APOB: variants seen among roughly 807,000 people sequenced by gnomAD.
APOB encodes the protein apolipoprotein B.
Under a neutral mutation model 314.1 loss-of-function variants are expected in APOB, and 153 were observed. The ratio of observed to expected loss-of-function variants is 0.49; its 90% confidence interval spans 0.43 to 0.56. The LOEUF is 0.56. APOB is among the 20% of genes least tolerant of loss of function. The pLI is 0.00. For missense variants in APOB, 5,430 were observed against 5,350.7 expected (o/e 1.01, Z -0.46); for synonymous variants, 2,087 against 2,036.4 (o/e 1.02, Z -0.67).
intron 7 of APOB, among the ~76,000 whole-genome samples, chr2:21,035,330 C>A (rs1663975096): frequency 6.6e-6 from 1 of 152,200 alleles, no homozygotes; most frequent in African/African-American, 2.4e-5. Flanking sequence ...CAGTGATCCT[C>A]AGGTTTTCTG....
rs13306198 is a variant in APOB at position 21,037,212 on chromosome 2, G to A, written c.581C>T (p.Thr194Met). 1.6e-3 allele frequency: 2,576 copies of A among 1,614,104 alleles called. 48 individuals are homozygous for A. The East Asian group carries it at 0.043, about 27-fold the overall frequency. ...GNCSTHFTVK[T>M]RKGNVATEIS... Reference sequence around the variant, plus strand: ...TTCTGTTGCCACATTGCCCTTCCTCGTCTTGACGGTAAAGTGAGTGGAGCA... The same window carrying A: ...TTCTGTTGCCACATTGCCCTTCCTCATCTTGACGGTAAAGTGAGTGGAGCA... Residue 194 changes from threonine to methionine, a missense_variant, in exon 6 of 29, where the codon ACG (threonine) becomes ATG (methionine). This residue lies in a region of APOB where 2,085 missense variants were observed against 2,079.7 expected (regional missense o/e 1.00). Transcript: ENST00000233242.
intron 18 of APOB, among the ~76,000 whole-genome samples, chr2:21,021,784 C>A (rs542314665): frequency 2.5e-4 from 38 of 152,214 alleles, no homozygotes. Flanking sequence ...CTAGCACAGG[C>A]TACATGATAT....
At position 21,012,618 on chromosome 2, in the gene APOB, G is replaced by A. The variant is rs200321839; in HGVS notation, c.4250C>T (p.Thr1417Met). Residue 1417 changes from threonine (T) to methionine (M), a missense_variant, in exon 26 of 29, where the codon ACG (threonine) becomes ATG (methionine). This residue lies in a region of APOB where 2,085 missense variants were observed against 2,079.7 expected (regional missense o/e 1.00). Transcript: ENST00000233242. ...SGETTYDHKN[T>M]FTLSCDGSLR... Reference sequence around the variant, plus strand: ...AGACCCATCACATGATAGTGTGAACGTATTCTTGTGGTCATATGTTGTTTC... The same window carrying A: ...AGACCCATCACATGATAGTGTGAACATATTCTTGTGGTCATATGTTGTTTC... The A allele has an allele frequency of 2.7e-5, 43 of 1,612,628 alleles. No individual in the cohort carries two copies. Among genetic ancestry groups the A allele is most frequent in the Admixed American group, 1.8e-4 (11 of 60,020 alleles).
At position 21,008,653 on chromosome 2, in the gene APOB, G is replaced by C. The variant is rs968225549; in HGVS notation, c.8215C>G (p.Pro2739Ala). 1 of 1,614,066 alleles carries C rather than the reference G, an allele frequency of 6.2e-7. No individual in the cohort carries two copies. Among genetic ancestry groups the C allele is most frequent in the African/African-American group, 1.3e-5 (1 of 75,032 alleles). ...NDFQVPDLHI[P>A]EFQLPHISHT... is the part of the protein sequence containing the mutation. ...GAGATGTGGGGAAGCTGGAATTCTG[G>C]TATGTGAAGGTCAGGAACTTGAAAA... is the stretch of plus-strand genomic sequence containing the variant. Residue 2739 changes from proline to alanine, a missense_variant, in exon 26 of 29, where the codon CCA becomes GCA. This residue lies in a region of APOB where 3,281 missense variants were observed against 3,171.0 expected (regional missense o/e 1.03). Coordinates refer to ENST00000233242, the MANE Select transcript of APOB (RefSeq NM_000384.3).
Position 21,015,174 on chromosome 2 carries a change from C to T in APOB, c.3595G>A (p.Asp1199Asn), listed in dbSNP as rs375894411. 5.9e-5 allele frequency: 95 copies of T among 1,614,128 alleles called. No homozygotes were observed. The Middle Eastern group carries it at 8.3e-4, about 14-fold the overall frequency. ...TACATATGCAAGCTCTTAGGATAAT[C>T]GGAGAGATCCACAGGGAAATTGGAA... Reference protein sequence around the residue: ...MTSNFPVDLSDYPKSLHMYAN... With the variant: ...MTSNFPVDLSNYPKSLHMYAN... Residue 1199 changes from aspartate to asparagine, a missense_variant, in exon 23 of 29, where the codon GAT becomes AAT. Coordinates refer to ENST00000233242, the MANE Select transcript of APOB (RefSeq NM_000384.3).
rs867843879 is a variant in APOB at position 21,008,352 on chromosome 2, T to C, written c.8516A>G (p.His2839Arg). 2.5e-6 allele frequency: 4 copies of C among 1,613,918 alleles called. No individual in the cohort carries two copies. The highest frequency in any genetic ancestry group is 1.3e-5 in the African/African-American group (1 of 74,920). The part of the protein sequence containing the change: ...KFSSKYLRTE[H>R]GSEMLFFGNA... ...TCCAAAAAACAGCATTTCACTCCCA[T>C]GCTCCGTTCTCAGGTACTTGCTGGA... The change falls in exon 26 of 29, where the codon CAT becomes CGT. Residue 2839 changes from histidine to arginine, a missense_variant. Around this residue, in one of 3 missense-constraint regions of APOB, gnomAD observed 3,281 missense variants for 3,171.0 expected, o/e 1.03. Coordinates refer to ENST00000233242, the MANE Select transcript of APOB (RefSeq NM_000384.3).
chr2:21,022,977 G>T lies in APOB; in HGVS notation c.2670C>A (p.Ile890=). 6.2e-7 allele frequency: 1 copy of T among 1,614,206 alleles called. No homozygotes were observed. Among genetic ancestry groups the T allele is most frequent in the Non-Finnish European group, 8.5e-7 (1 of 1,180,046 alleles). ...CCCCACTCCTAGCGAAGTCCGGAAT[G>T]ATGATGCCCATATTTGTCACAAACT... ...SVEFVTNMGI[I]IPDFARSGVQ... is the part of the protein sequence containing the mutation. Residue 890 remains isoleucine (I), a synonymous_variant, in exon 18 of 29, where the codon ATC becomes ATA. Transcript: ENST00000233242.
rs748251675 is a variant in APOB at position 21,012,348 on chromosome 2, C to T, written c.4520G>A (p.Arg1507Lys). Residue 1507 changes from arginine to lysine, a missense_variant, in exon 26 of 29, where the codon AGG becomes AAG. This residue lies in a region of APOB where 2,085 missense variants were observed against 2,079.7 expected (regional missense o/e 1.00). Coordinates refer to ENST00000233242, the MANE Select transcript of APOB (RefSeq NM_000384.3). Reference protein sequence around the residue: ...AKGTYGLSCQRDPNTGRLNGE... With the variant: ...AKGTYGLSCQKDPNTGRLNGE... The stretch of plus-strand genomic sequence containing the variant: ...ATTGAGCCGGCCAGTGTTAGGATCC[C>T]TCTGACAAGACAGGCCATATGTGCC... The T allele has an allele frequency of 7.4e-6, 12 of 1,614,046 alleles. 1 individual carries two copies. The highest frequency in any genetic ancestry group is 9.3e-6 in the Non-Finnish European group (11 of 1,180,044).
Position 21,002,220 on chromosome 2 carries a change from T to C in APOB, c.13202A>G (p.Tyr4401Cys), listed in dbSNP as rs750727165. Reference protein sequence around the residue: ...PSIVGWTVKYYELEEKIVSLI... With the variant: ...PSIVGWTVKYCELEEKIVSLI... ...ACTGACTATCTTTTCTTCAAGTTCATAATATTTCACTGTCCAGCCAACTAT... is the reference window on the plus strand; with the variant it reads ...ACTGACTATCTTTTCTTCAAGTTCACAATATTTCACTGTCCAGCCAACTAT... The change falls in exon 29 of 29, where the codon TAT becomes TGT. Residue 4401 changes from tyrosine to cysteine, a missense_variant. Physicochemically the swap from Tyr to Cys is radical, Grantham distance 194 (BLOSUM62 -2). This residue lies in a region of APOB where 3,281 missense variants were observed against 3,171.0 expected (regional missense o/e 1.03). Transcript: ENST00000233242. 6.2e-7 allele frequency: 1 copy of C among 1,614,048 alleles called. No homozygotes were observed. Among genetic ancestry groups the C allele is most frequent in the Non-Finnish European group, 8.5e-7 (1 of 1,179,970 alleles).
intron 20 of APOB, 55 bp from the exon 21 acceptor site, chr2:21,016,704 G>T: frequency 3.2e-6 from 4 of 1,239,804 alleles, no homozygotes; most frequent in South Asian, 2.4e-5. Flanking sequence ...TATGTTTTGG[G>T]CCGGGTGCGG....
At chr2:21,003,892 T>A (rs1349413592) in intron 28 of APOB, among the ~76,000 whole-genome samples, 1 of 152,186 alleles carries the variant, frequency 6.6e-6, no homozygotes, top group Admixed American at 6.5e-5. Flanking sequence ...ATGTATCTCA[T>A]CTAGCAATTC....
rs1274098865 is a variant in APOB at position 21,012,670 on chromosome 2, G to A, written c.4217-19C>T. The A allele has an allele frequency of 6.2e-7, 1 of 1,606,416 alleles. No homozygotes were observed. The highest frequency in any genetic ancestry group is 1.7e-5 in the Admixed American group (1 of 59,950). ...CCAGATCCTAACATAAAAATGAAAA[G>A]ACATTGGTTAAATTAAGCAGTACAT... On this transcript the variant is annotated intron_variant, in intron 25 of 28. Coordinates refer to ENST00000233242, the MANE Select transcript of APOB (RefSeq NM_000384.3).
intron 6 of APOB, among the ~76,000 whole-genome samples, chr2:21,036,026 A>C (rs1027723495): frequency 6.6e-6 from 1 of 152,122 alleles, no homozygotes; most frequent in Non-Finnish European, 1.5e-5. Context: ...CCATTCTTAC[A>C]TGTCTCTTTC....
At position 21,027,808 on chromosome 2, in the gene APOB, C is replaced by G. The variant is rs780691616; in HGVS notation, c.2067+20G>C. Reference sequence around the variant, plus strand: ...TGCTGTACAAAATGGGCTAGAGAACCTCAAACTCTTCACACTTACCTCGAT... The same window carrying G: ...TGCTGTACAAAATGGGCTAGAGAACGTCAAACTCTTCACACTTACCTCGAT... On this transcript the variant is annotated intron_variant, in intron 14 of 28. Coordinates refer to ENST00000233242, the MANE Select transcript of APOB (RefSeq NM_000384.3). 1 of 1,588,532 alleles carries G rather than the reference C, an allele frequency of 6.3e-7. No homozygotes were observed.
chr2:21,016,218 G>A (rs933360706), intron 21 of APOB, among the ~76,000 whole-genome samples: 5 of 152,108 alleles, frequency 3.3e-5, no homozygotes, highest in African/African-American at 1.2e-4. Flanking sequence ...AACTCGGGAG[G>A]CGGAGGTTGC....
In APOB at chr2:21,037,100, C is replaced by T. The variant is rs1278921751; in HGVS notation, c.693G>A (p.Met231Ile). ...GISPLALIKGMTRPLSTLISS... is the reference protein window; with the variant it reads ...GISPLALIKGITRPLSTLISS... Reference sequence around the variant, plus strand: ...ACGACAGTGCTGACATGGGACTTACCATGCCTTTGATGAGAGCAAGTGGGC... The same window carrying T: ...ACGACAGTGCTGACATGGGACTTACTATGCCTTTGATGAGAGCAAGTGGGC... Residue 231 changes from methionine (M) to isoleucine (I), a missense_variant and splice_region_variant, in exon 6 of 29, where the codon ATG becomes ATA. Physicochemically the swap from Met to Ile is conservative, Grantham distance 10. Around this residue, in one of 3 missense-constraint regions of APOB, gnomAD observed 2,085 missense variants for 2,079.7 expected, o/e 1.00. Coordinates refer to ENST00000233242, the MANE Select transcript of APOB (RefSeq NM_000384.3). 6.2e-7 allele frequency: 1 copy of T among 1,614,180 alleles called. No homozygotes were observed. Among genetic ancestry groups the T allele is most frequent in the East Asian group, 2.2e-5 (1 of 44,872 alleles).
At chr2:21,038,992 C>G (rs1264663437) in intron 4 of APOB, among the ~76,000 whole-genome samples, 1 of 152,190 alleles carries the variant, frequency 6.6e-6, no homozygotes, top group Admixed American at 6.5e-5. Flanking sequence ...ACACATTGCC[C>G]CATTTGATGG....
Position 21,043,851 on chromosome 2 carries a change from G to T in APOB, c.82+13C>A. 6.6e-7 allele frequency: 1 copy of T among 1,524,298 alleles called. No homozygotes were observed. The highest frequency in any genetic ancestry group is 8.8e-7 in the Non-Finnish European group (1 of 1,141,488). 94.4% of individuals were successfully genotyped at this position (1,524,298 alleles called of 1,614,324 possible). The stretch of plus-strand genomic sequence containing the variant: ...CCGCTCCCTCTGCGCCCGCAGAGCG[G>T]CCGCGCACTCACCGGCCCTGGCGCC... On this transcript the variant is annotated intron_variant, in intron 1 of 28. Coordinates refer to ENST00000233242, the MANE Select transcript of APOB (RefSeq NM_000384.3).
chr2:21,038,006 G>T lies in APOB; in HGVS notation c.489C>A (p.Ala163=). The change falls in exon 5 of 29, where the codon GCC becomes GCA. Residue 163 remains alanine (A), a synonymous_variant. Coordinates refer to ENST00000233242, the MANE Select transcript of APOB (RefSeq NM_000384.3). ...CTTCTGTCTCTGGGGGAACCAGGAG[G>T]GCAGAAATGATGCCCCTCTTGATGT... ...ILNIKRGIIS[A]LLVPPETEEA... is the part of the protein sequence containing the mutation. 6.2e-7 allele frequency: 1 copy of T among 1,614,158 alleles called. No individual in the cohort carries two copies. Among genetic ancestry groups the T allele is most frequent in the Middle Eastern group, 1.6e-4 (1 of 6,062 alleles).
Sources: allele counts gnomAD v4.1 joint callset (sites outside exome capture counted in the v4.1 genomes callset), GRCh38; gene constraint gnomAD v4.1.1; regional missense constraint gnomAD v4.1.1; transcripts MANE v1.5; gene names NCBI Gene and HGNC (gene_info 2026-07-23, HGNC 2026-07-21).